The following MARCHF1 variants were observed in gnomAD, a reference collection of about 807,000 sequenced individuals.
The protein encoded by MARCHF1 is membrane associated ring-CH-type finger 1, also known as E3 ubiquitin-protein ligase MARCHF1.
A neutral mutation model predicts 54.2 loss-of-function variants in MARCHF1; 40 were observed. That is an observed-to-expected ratio of 0.74 (90% CI 0.57 to 0.96). The LOEUF is 0.96. Among genes scored for constraint, MARCHF1 ranks in the 40% least tolerant of loss-of-function variants. MARCHF1 has a pLI of 0.00. For synonymous variants in MARCHF1, 236 were observed against 236.3 expected (o/e 1.00, Z 0.01); for missense variants, 586 against 656.5 (o/e 0.89, Z 1.17).
intron 5 of MARCHF1, among the ~76,000 whole-genome samples, chr4:163,690,931 C>G (rs996312781): frequency 6.6e-6 from 1 of 152,166 alleles, no homozygotes; most frequent in South Asian, 2.1e-4. Context: ...ACCTGCAGAG[C>G]CCAAAGCGCT....
At chr4:164,125,346 T>C (rs1290542132) in intron 1 of MARCHF1, among the ~76,000 whole-genome samples, 1 of 152,120 alleles carries the variant, frequency 6.6e-6, no homozygotes, top group Non-Finnish European at 1.5e-5. Context: ...TAATAAAATA[T>C]ATACATTTCA....
intron 4 of MARCHF1, among the ~76,000 whole-genome samples, chr4:163,818,261 A>G (rs1026530766): frequency 6.6e-6 from 1 of 151,712 alleles, no homozygotes; most frequent in Non-Finnish European, 1.5e-5. Flanking sequence ...CTATTATTTT[A>G]TTATTATTTT....
intron 7 of MARCHF1, among the ~76,000 whole-genome samples, chr4:163,592,594 A>G (rs1319959012): frequency 6.6e-6 from 1 of 152,138 alleles, no homozygotes; most frequent in Non-Finnish European, 1.5e-5. Context: ...TGCTTGGTCA[A>G]TAATGAAAGC....
chr4:164,081,207 CAAAAAAAA>C (rs60753810), intron 2 of MARCHF1, among the ~76,000 whole-genome samples: 121 of 18,394 alleles, frequency 6.6e-3, no homozygotes, highest in South Asian at 0.042. Context: ...GACGCTGTCT[CAAAAAAAA>C]AAAAAAAAAA....
intron 2 of MARCHF1, among the ~76,000 whole-genome samples, chr4:164,100,962 G>C (rs375991643): frequency 6.6e-6 from 1 of 152,226 alleles, no homozygotes; most frequent in Admixed American, 6.5e-5. Flanking sequence ...AGCGCAAGAG[G>C]TCAGGGATTT....
At chr4:163,685,541 G>A (rs780366973) in intron 5 of MARCHF1, among the ~76,000 whole-genome samples, 2 of 151,992 alleles carry the variant, frequency 1.3e-5, no homozygotes, top group East Asian at 3.9e-4. Flanking sequence ...TGCAACCTCC[G>A]CCTCCTGGGT....
At chr4:163,986,969 TAA>T (rs1293145731) in intron 3 of MARCHF1, among the ~76,000 whole-genome samples, 2 of 152,218 alleles carry the variant, frequency 1.3e-5, no homozygotes, top group East Asian at 3.9e-4. Flanking sequence ...TATGTTCACA[TAA>T]AGTTTTCTTC....
Position 164,370,769 on chromosome 4 carries a change from G to A in MARCHF1, c.-323+13101C>T, listed in dbSNP as rs549220633. ...ACTAAAATACAAAAATTAGCTGGGCGTGATAGCGTGCCCCTGTAGTCCCAG... is the reference window on the plus strand; with the variant it reads ...ACTAAAATACAAAAATTAGCTGGGCATGATAGCGTGCCCCTGTAGTCCCAG... On this transcript the variant is annotated intron_variant, in intron 1 of 9. Transcript: ENST00000514618. Among the ~76,000 whole-genome samples, 280 of 152,172 alleles carry A rather than the reference G, an allele frequency of 1.8e-3. 1 individual carries two copies. The highest frequency in any genetic ancestry group is 2.6e-3 in the Non-Finnish European group (178 of 67,982).
chr4:164,324,010 C>A (rs1028525025), intron 1 of MARCHF1, among the ~76,000 whole-genome samples: 2 of 151,644 alleles, frequency 1.3e-5, no homozygotes, highest in African/African-American at 4.8e-5. Flanking sequence ...ATGCCAAAAC[C>A]TAATAAAGAT....
intron 3 of MARCHF1, among the ~76,000 whole-genome samples, chr4:163,972,713 ATTT>A (rs34422259): frequency 1.1e-4 from 15 of 139,468 alleles, no homozygotes; most frequent in Admixed American, 1.4e-4. Context: ...TGGCCGGCTA[ATTT>A]TTTTTTTTTT....
intron 3 of MARCHF1, among the ~76,000 whole-genome samples, chr4:163,898,060 C>CAAAAAAAAAAAAAAAAAAAAAAAAAAA (rs70948673): frequency 1.2e-5 from 1 of 81,882 alleles, no homozygotes; most frequent in Admixed American, 1.8e-4. Flanking sequence ...GACTCCGTCT[C>CAAAAAAAAAAAAAAAAAAAAAAAAAAA]AAAAAAAAAA....
intron 1 of MARCHF1, among the ~76,000 whole-genome samples, chr4:164,211,341 A>G (rs1482107245): frequency 4.3e-5 from 5 of 115,800 alleles, no homozygotes; most frequent in African/African-American, 1.4e-4. Context: ...GTATATATAT[A>G]TATATATATA....
intron 2 of MARCHF1, among the ~76,000 whole-genome samples, chr4:164,073,089 A>C (rs977533452): frequency 2.0e-5 from 3 of 152,212 alleles, no homozygotes; most frequent in Non-Finnish European, 4.4e-5. Flanking sequence ...TAATGTAAAC[A>C]AAGTCAGGAA....
intron 1 of MARCHF1, among the ~76,000 whole-genome samples, chr4:164,366,460 T>A (rs985110771): frequency 6.6e-6 from 1 of 152,018 alleles, no homozygotes; most frequent in African/African-American, 2.4e-5. Context: ...TTTTTTCTTT[T>A]TCTGTGTTGC....
intron 5 of MARCHF1, among the ~76,000 whole-genome samples, chr4:163,691,962 C>G (rs978815952): frequency 7.9e-5 from 12 of 152,182 alleles, no homozygotes; most frequent in African/African-American, 2.9e-4. Context: ...AGCTGCTTGA[C>G]AGAGATGGGG....
At chr4:164,018,969 T>A (rs979152877) in intron 2 of MARCHF1, among the ~76,000 whole-genome samples, 1 of 152,208 alleles carries the variant, frequency 6.6e-6, no homozygotes, top group Non-Finnish European at 1.5e-5. Context: ...AAAAATTGCC[T>A]GTGATTTTGT....
chr4:164,258,271 T>C (rs542223955), intron 1 of MARCHF1, among the ~76,000 whole-genome samples: 32 of 151,724 alleles, frequency 2.1e-4, no homozygotes, highest in Non-Finnish European at 3.8e-4. Flanking sequence ...AAGAGAGAAA[T>C]AGTATTAGGA....
chr4:164,066,716 C>T (rs560614904), intron 2 of MARCHF1, among the ~76,000 whole-genome samples: 4 of 152,218 alleles, frequency 2.6e-5, no homozygotes, highest in Non-Finnish European at 5.9e-5. Flanking sequence ...ATGTATTTTG[C>T]AGGGACATGG....
intron 3 of MARCHF1, among the ~76,000 whole-genome samples, chr4:163,928,811 T>G (rs1751593494): frequency 1.3e-5 from 2 of 151,910 alleles, no homozygotes. Context: ...TTCTTTTCAC[T>G]GGGTTTTAAA....
Sources: gnomAD v4.1 joint callset for allele counts (sites outside exome capture counted in the v4.1 genomes callset) on GRCh38, gnomAD v4.1.1 for gene constraint, MANE v1.5 for transcripts, NCBI Gene and HGNC (gene_info 2026-07-23, HGNC 2026-07-21) for gene names.